NRG1: variants seen among roughly 807,000 people sequenced by gnomAD.
NRG1 encodes the protein pro-neuregulin-1, membrane-bound isoform.
Under a neutral mutation model 63.8 loss-of-function variants are expected in NRG1, and 18 were observed. The ratio of observed to expected loss-of-function variants is 0.28; its 90% CI spans 0.19 to 0.42. The LOEUF is 0.42. Ranked by LOEUF, NRG1 falls within the 10% of genes least tolerant of loss-of-function variation. The probability of loss-of-function intolerance (pLI) is 1.00; values close to 1 mark genes in which losing one functional copy is unlikely to be tolerated. For synonymous variants in NRG1, 302 were observed against 301.3 expected (o/e 1.00, Z -0.02); for missense variants, 762 against 814.7 (o/e 0.94, Z 0.79).
intron 1 of NRG1, among the ~76,000 whole-genome samples, chr8:31,762,041 GTTTAT>G (rs2131523012): frequency 6.6e-6 from 1 of 152,152 alleles, no homozygotes; most frequent in Admixed American, 6.5e-5. Context: ...CATTGAAAAA[GTTTAT>G]TTTGAGTTAA....
At chr8:31,996,847 T>C (rs537164662) in intron 1 of NRG1, among the ~76,000 whole-genome samples, 24 of 152,064 alleles carry the variant, frequency 1.6e-4, no homozygotes, top group Non-Finnish European at 2.4e-4. Flanking sequence ...ATTTGGACAA[T>C]TGTAAAAAGG....
At chr8:32,397,147 C>G (rs1812538005) in intron 1 of NRG1, among the ~76,000 whole-genome samples, 1 of 152,072 alleles carries the variant, frequency 6.6e-6, no homozygotes, top group Non-Finnish European at 1.5e-5. Context: ...TAGATAGATA[C>G]ATAGATAGAT....
chr8:31,946,423 C>T (rs28620142), intron 1 of NRG1, among the ~76,000 whole-genome samples: 6,273 of 152,134 alleles, frequency 0.041, 458 homozygotes, highest in African/African-American at 0.14. Flanking sequence ...TCCTGCAAGG[C>T]GCTAACAGTG....
intron 1 of NRG1, among the ~76,000 whole-genome samples, chr8:32,524,660 A>T (rs1830649025): frequency 1.3e-5 from 2 of 152,196 alleles, no homozygotes; most frequent in South Asian, 4.1e-4. Flanking sequence ...GGTTAACTTG[A>T]TGCCTCTGTC....
Position 32,759,554 on chromosome 8 carries a change from G to A in NRG1, c.1052+118G>A, listed in dbSNP as rs3735780. On this transcript the variant is annotated intron_variant, in intron 10 of 11. Transcript: ENST00000356819. ...AATGGATGGTCTTTGGGCAGCAACA[G>A]ATTTTGAAAATCAACTGGCTTTGCC... 1,001 of 1,266,562 alleles carry A rather than the reference G, an allele frequency of 7.9e-4. 16 individuals carry two copies. The East Asian group carries it at 0.024, about 31-fold the overall frequency. 78.5% of individuals were successfully genotyped at this position (1,266,562 alleles called of 1,614,324 possible).
chr8:31,868,903 C>T (rs997657117), intron 1 of NRG1, among the ~76,000 whole-genome samples: 10 of 152,156 alleles, frequency 6.6e-5, no homozygotes, highest in East Asian at 1.9e-4. Flanking sequence ...GTGATGTATG[C>T]GTTCTATCTC....
intron 1 of NRG1, among the ~76,000 whole-genome samples, chr8:32,329,725 G>GA (rs1012246209): frequency 2.6e-4 from 39 of 151,200 alleles, no homozygotes; most frequent in Admixed American, 6.6e-4. Context: ...ACAAAAACAG[G>GA]AAAAAAAACC....
chr8:32,342,471 T>A (rs1258262473), intron 1 of NRG1, among the ~76,000 whole-genome samples: 5 of 152,208 alleles, frequency 3.3e-5, no homozygotes, highest in African/African-American at 4.8e-5. Flanking sequence ...ACTGTTGTTA[T>A]CCATCTTAAG....
intron 1 of NRG1, among the ~76,000 whole-genome samples, chr8:32,043,385 T>C (rs535754892): frequency 5.9e-5 from 9 of 151,886 alleles, no homozygotes; most frequent in Admixed American, 3.9e-4. Flanking sequence ...CATTCTCAGA[T>C]TAAAAACAAA....
At chr8:32,364,036 A>G (rs934813886) in intron 1 of NRG1, among the ~76,000 whole-genome samples, 4 of 150,880 alleles carry the variant, frequency 2.7e-5, no homozygotes, top group African/African-American at 4.9e-5. Context: ...CCACCAGCCA[A>G]TAACACACTA....
intron 1 of NRG1, among the ~76,000 whole-genome samples, chr8:31,923,111 A>G (rs1266354725): frequency 2.0e-5 from 3 of 152,182 alleles, no homozygotes; most frequent in Non-Finnish European, 4.4e-5. Flanking sequence ...ACCGTTAAGT[A>G]TGATGTTTTA....
intron 1 of NRG1, among the ~76,000 whole-genome samples, chr8:31,828,971 TAC>T (rs1254505131): frequency 6.6e-6 from 1 of 152,218 alleles, no homozygotes; most frequent in Non-Finnish European, 1.5e-5. Context: ...AAGTAGCAGA[TAC>T]AGTGCTAGTT....
intron 7 of NRG1, among the ~76,000 whole-genome samples, chr8:32,750,486 A>G (rs1170825839): frequency 1.3e-5 from 2 of 152,020 alleles, no homozygotes; most frequent in Non-Finnish European, 2.9e-5. Context: ...GTCCCGGACC[A>G]TGGTTGGGTC....
At chr8:32,592,620 G>C (rs189870577) in intron 1 of NRG1, among the ~76,000 whole-genome samples, 2 of 152,248 alleles carry the variant, frequency 1.3e-5, no homozygotes, top group Admixed American at 6.5e-5. Context: ...AGACGAGCTA[G>C]AGAGAGAAAA....
At chr8:31,884,165 T>C (rs1170444510) in intron 1 of NRG1, among the ~76,000 whole-genome samples, 1 of 152,146 alleles carries the variant, frequency 6.6e-6, no homozygotes, top group East Asian at 1.9e-4. Context: ...ATATTAGGAA[T>C]GCTTTTTGGC....
chr8:32,751,368 G>C (rs958858570), intron 7 of NRG1, among the ~76,000 whole-genome samples: 1 of 152,136 alleles, frequency 6.6e-6, no homozygotes, highest in African/African-American at 2.4e-5. Flanking sequence ...TGGGGCATTT[G>C]TGCTCATTGA....
chr8:31,651,405 T>A (rs1048958453), intron 1 of NRG1, among the ~76,000 whole-genome samples: 2 of 152,238 alleles, frequency 1.3e-5, no homozygotes, highest in Non-Finnish European at 2.9e-5. Flanking sequence ...ATGGTTTTAC[T>A]ATTTACTGTG....
At chr8:32,488,354 T>A (rs1472351842) in intron 1 of NRG1, among the ~76,000 whole-genome samples, 5 of 152,154 alleles carry the variant, frequency 3.3e-5, no homozygotes, top group African/African-American at 1.2e-4. Context: ...ACTGGGAAGG[T>A]GCAAGTAATC....
chr8:32,034,068 A>G (rs1818672962), intron 1 of NRG1, among the ~76,000 whole-genome samples: 1 of 152,166 alleles, frequency 6.6e-6, no homozygotes, highest in Admixed American at 6.5e-5. Flanking sequence ...CCTATTCAGT[A>G]TGATATTGGC....
Sources: allele counts gnomAD v4.1 joint callset (sites outside exome capture counted in the v4.1 genomes callset), GRCh38; gene constraint gnomAD v4.1.1; transcripts MANE v1.5; gene names NCBI Gene and HGNC (gene_info 2026-07-23, HGNC 2026-07-21).